Variants in ACTB observed in about 807,000 individuals in gnomAD.
ACTB encodes actin, cytoplasmic 1.
ACTB carries 2 observed loss-of-function variants against 30.5 expected under a neutral mutation model. The observed-to-expected ratio is 0.07, with a 90% CI of 0.03 to 0.21. The LOEUF (loss-of-function observed/expected upper bound fraction) is 0.21, where lower values mean the gene tolerates loss of function less well. Ranked by LOEUF, ACTB falls within the 10% of genes least tolerant of loss-of-function variation. The pLI is 1.00. For missense variants in ACTB, 56 were observed against 530.0 expected (o/e 0.11, Z 8.78); for synonymous variants, 335 against 217.6 (o/e 1.54, Z -4.75).
chr7:5,529,725 C>T (rs1784843792), intron 1 of ACTB, 62 bp from the exon 2 acceptor site: 4 of 1,607,580 alleles, frequency 2.5e-6, no homozygotes, highest in Non-Finnish European at 2.5e-6. Flanking sequence ...ACTTCCGGCG[C>T]GCCGAGTCCT....
chr7:5,528,121 G>A lies in ACTB; in HGVS notation c.867C>T (p.Ile289=). 2 of 1,614,224 alleles carry A rather than the reference G, an allele frequency of 1.2e-6. No individual in the cohort carries two copies. The highest frequency in any genetic ancestry group is 1.7e-6 in the Non-Finnish European group (2 of 1,180,046). ...CTGTGTTGGCGTACAGGTCTTTGCG[G>A]ATGTCCACGTCACACTTCATGATGG... is the stretch of plus-strand genomic sequence containing the variant. ...FNSIMKCDVD[I]RKDLYANTVL... is the part of the protein sequence containing the mutation. The change falls in exon 5 of 6, where the codon ATC becomes ATT. Residue 289 remains isoleucine, a synonymous_variant. Transcript: ENST00000646664.
Position 5,529,026 on chromosome 7 carries a change from G to A in ACTB, c.363+135C>T, listed in dbSNP as rs746784196. 43 of 1,611,868 alleles carry A rather than the reference G, an allele frequency of 2.7e-5. 1 individual carries two copies. In the South Asian group the frequency reaches 4.4e-4, roughly 16 times the overall value. ...GGAAAAAGCAAATAGAACCTGCAGA[G>A]TTCCAAAGGAGACTCAGGTCAGAGA... On this transcript the variant is annotated intron_variant, in intron 3 of 5. Coordinates refer to ENST00000646664, the MANE Select transcript of ACTB (RefSeq NM_001101.5).
intron 1 of ACTB, among the ~76,000 whole-genome samples, chr7:5,530,226 C>T (rs1335238572): frequency 3.3e-5 from 5 of 151,960 alleles, no homozygotes; most frequent in Non-Finnish European, 4.4e-5. Context: ...CGCGCCCACC[C>T]TGCGATCCCC....
Position 5,527,525 on chromosome 7 carries a change from A to C in ACTB, c.*223T>G, listed in dbSNP as rs11546941. The stretch of plus-strand genomic sequence containing the variant: ...GACTATTAAAAAAACAACAATGTGC[A>C]ATCAAAGTCCTCGGCCACATTGTGA... On this transcript the variant is annotated 3_prime_UTR_variant, in exon 6 of 6. Transcript: ENST00000646664. The C allele has an allele frequency of 1.4e-6, 1 of 691,850 alleles. No homozygotes were observed. The highest frequency in any genetic ancestry group is 2.4e-6 in the Non-Finnish European group (1 of 416,494). 42.9% of individuals were successfully genotyped at this position (691,850 alleles called of 1,614,324 possible).
intron 3 of ACTB, 38 bp downstream of exon 3, chr7:5,529,107 CGGGAGGCCAGGAAGGA>C (rs1562719624): frequency 3.1e-6 from 5 of 1,613,542 alleles, no homozygotes; most frequent in Non-Finnish European, 4.2e-6. Flanking sequence ...GGCGCAGCTC[CGGGAGGCCAGGAAGGA>C]GGGAGGCGGC....
chr7:5,527,968 C>T (rs1784801437), intron 5 of ACTB, 36 bp downstream of exon 5: 3 of 1,613,060 alleles, frequency 1.9e-6, no homozygotes, highest in Non-Finnish European at 2.5e-6. Context: ...CCACAGCCGA[C>T]CTGCCCAGGT....
chr7:5,529,701 C>T, intron 1 of ACTB, 38 bp from the exon 2 acceptor site: 16 of 1,609,980 alleles, frequency 9.9e-6, no homozygotes, highest in Non-Finnish European at 1.4e-5. Context: ...GCCGAGGTCG[C>T]CCCCGCCCTG....
chr7:5,528,163 G>C lies in ACTB; in HGVS notation c.825C>G (p.His275Gln). 6.2e-7 allele frequency: 1 copy of C among 1,614,196 alleles called. No homozygotes were observed. The highest frequency in any genetic ancestry group is 8.5e-7 in the Non-Finnish European group (1 of 1,180,040). Residue 275 changes from histidine (H) to glutamine (Q), a missense_variant, in exon 5 of 6, where the codon CAC becomes CAG. Coordinates refer to ENST00000646664, the MANE Select transcript of ACTB (RefSeq NM_001101.5). ...TCATGATGGAGTTGAAGGTAGTTTC[G>C]TGGATGCCACAGGACTCCATGCCTG... is the stretch of plus-strand genomic sequence containing the variant. ...SFLGMESCGI[H>Q]ETTFNSIMKC...
chr7:5,529,815 C>G, intron 1 of ACTB, 152 bp from the exon 2 acceptor site: 2 of 1,293,858 alleles, frequency 1.5e-6, no homozygotes, highest in Non-Finnish European at 1.1e-6. Flanking sequence ...CCATAAAAGG[C>G]AAACACTGGT....
chr7:5,530,310 CCTCCCGAGCGCGG>C (rs982549065), intron 1 of ACTB, among the ~76,000 whole-genome samples: 10 of 152,046 alleles, frequency 6.6e-5, no homozygotes, highest in Admixed American at 2.0e-4. Flanking sequence ...CCGGAGCGCG[CCTCCCGAGCGCGG>C]CCTCGCGCCT....
chr7:5,530,214 G>A (rs962983063), intron 1 of ACTB, among the ~76,000 whole-genome samples: 43 of 151,986 alleles, frequency 2.8e-4, no homozygotes, highest in East Asian at 1.2e-3. Context: ...CGGGGGCTCC[G>A]CCGCGCCCAC....
intron 1 of ACTB, 175 bp from the exon 2 acceptor site, chr7:5,529,838 C>G: frequency 9.2e-7 from 1 of 1,087,574 alleles, no homozygotes; most frequent in Non-Finnish European, 1.4e-6. Context: ...GAGGCGTCCC[C>G]GCGGCGCGCG....
intron 1 of ACTB, chr7:5,530,010 C>T: frequency 6.1e-6 from 1 of 164,358 alleles, no homozygotes; most frequent in Non-Finnish European, 1.3e-5. Flanking sequence ...CCGCGGCGAC[C>T]CCACCCCTTC....
In ACTB at chr7:5,529,054, A is replaced by G. The variant is rs1291110830; in HGVS notation, c.363+107T>C. ...CCAAAGGAGACTCAGGTCAGAGAAG[A>G]GAGTCCTACGGAAAACGGCAGAAGA... On this transcript the variant is annotated intron_variant, in intron 3 of 5. Transcript: ENST00000646664. 9 of 1,612,998 alleles carry G rather than the reference A, an allele frequency of 5.6e-6. No homozygotes were observed. In the African/African-American group the frequency reaches 1.2e-4, roughly 22 times the overall value.
chr7:5,528,915 A>C (rs1256602450), intron 3 of ACTB, 196 bp from the exon 4 acceptor site: 16 of 1,466,478 alleles, frequency 1.1e-5, no homozygotes, highest in Non-Finnish European at 8.4e-6. Flanking sequence ...TGGCCTTGTC[A>C]CACGAGCCAG....
At chr7:5,529,440 G>A (rs766414193) in intron 2 of ACTB, 40 bp from the exon 3 acceptor site, 1 of 1,613,602 alleles carries the variant, frequency 6.2e-7, no homozygotes, top group South Asian at 1.1e-5. Context: ...CACGGGCGCA[G>A]CCCCCACCCC....
At chr7:5,529,823 G>T (rs370942680) in intron 1 of ACTB, 160 bp from the exon 2 acceptor site, 6 of 1,200,806 alleles carry the variant, frequency 5.0e-6, no homozygotes, top group African/African-American at 1.5e-5. Flanking sequence ...GGCAAACACT[G>T]GTCGGAGGCG....
Position 5,527,751 on chromosome 7 carries a change from G to A in ACTB, c.1125C>T (p.Phe375=), listed in dbSNP as rs774373985. ...ACGCAACTAAGTCATAGTCCGCCTA[G>A]AAGCATTTGCGGTGGACGATGGAGG... The part of the protein sequence containing the change: ...SGPSIVHRKC[F] Residue 375 remains phenylalanine (F), a synonymous_variant, in exon 6 of 6, where the codon TTC becomes TTT. Transcript: ENST00000646664. 5.0e-6 allele frequency: 8 copies of A among 1,613,756 alleles called. No individual in the cohort carries two copies. The South Asian group carries it at 6.6e-5, about 13-fold the overall frequency.
intron 1 of ACTB, 81 bp from the exon 2 acceptor site, chr7:5,529,744 C>A: frequency 1.3e-6 from 2 of 1,597,840 alleles, no homozygotes; most frequent in South Asian, 2.2e-5. Context: ...CTTAGGCCGC[C>A]AGGGGGCGCC....
Sources: allele counts gnomAD v4.1 joint callset (sites outside exome capture counted in the v4.1 genomes callset), GRCh38; gene constraint gnomAD v4.1.1; transcripts MANE v1.5; gene names NCBI Gene and HGNC (gene_info 2026-07-23, HGNC 2026-07-21).